Variants in GALNT18 observed in about 807,000 individuals in gnomAD.
GALNT18 encodes polypeptide N-acetylgalactosaminyltransferase 18.
In GALNT18, 44 loss-of-function variants were observed where a neutral mutation model predicts 69.5. The ratio of observed to expected loss-of-function variants is 0.63; its 90% CI spans 0.50 to 0.81. The LOEUF (loss-of-function observed/expected upper bound fraction) is 0.81, where lower values mean the gene tolerates loss of function less well. Ranked by LOEUF, GALNT18 falls within the 40% of genes least tolerant of loss-of-function variation. GALNT18 has a pLI of 0.00. For synonymous variants in GALNT18, 364 were observed against 318.2 expected, an observed-to-expected ratio of 1.14 and a Z score of -1.53; for missense variants, 715 against 810.0, an observed-to-expected ratio of 0.88 and a Z score of 1.42.
At chr11:11,331,747 A>G (rs1162143254) in intron 8 of GALNT18, among the ~76,000 whole-genome samples, 2 of 152,146 alleles carry the variant, frequency 1.3e-5, no homozygotes, top group Non-Finnish European at 2.9e-5. Context: ...CACCTGTGAC[A>G]TGGAGATAAT....
chr11:11,466,356 A>G (rs1856155857), intron 1 of GALNT18, among the ~76,000 whole-genome samples: 1 of 152,282 alleles, frequency 6.6e-6, no homozygotes, highest in Non-Finnish European at 1.5e-5. Context: ...AGGTATCACA[A>G]ATGAAAACAA....
chr11:11,466,009 C>G (rs1198192837), intron 1 of GALNT18, among the ~76,000 whole-genome samples: 1 of 152,208 alleles, frequency 6.6e-6, no homozygotes, highest in East Asian at 1.9e-4. Flanking sequence ...TGCTTCTCAG[C>G]TCTTCTCAAT....
In GALNT18 at chr11:11,469,642, T is replaced by C. The variant is rs1856229499; in HGVS notation, c.236-20706A>G. Among the ~76,000 whole-genome samples the C allele has an allele frequency of 6.6e-6, 1 of 152,346 alleles. No homozygotes were observed. The highest frequency in any genetic ancestry group is 2.4e-5 in the African/African-American group (1 of 41,584). On this transcript the variant is annotated intron_variant, in intron 1 of 10. Transcript: ENST00000227756. This position sits in a 1 kb window ranked among gnomAD's most constrained non-coding sequence, Gnocchi z 4.2. The stretch of plus-strand genomic sequence containing the variant: ...GCTCTCTGAAAGCAAGGATCATCCA[T>C]GCCCTTGTCAGCTGAGGGTCTCAGG...
intron 3 of GALNT18, among the ~76,000 whole-genome samples, chr11:11,391,359 A>T (rs892948005): frequency 1.3e-5 from 2 of 152,250 alleles, no homozygotes; most frequent in African/African-American, 4.8e-5. Context: ...CATTTTATAG[A>T]TGAGAAAACT....
rs144088929 is a variant in GALNT18 at position 11,274,130 on chromosome 11, C to G, written c.1678-2840G>C. 3.0e-3 allele frequency among the ~76,000 whole-genome samples: 452 copies of G among 152,152 alleles called. 14 individuals carry two copies. Among genetic ancestry groups the G allele is most frequent in the Admixed American group, 0.024 (370 of 15,286 alleles). On this transcript the variant is annotated intron_variant, in intron 10 of 10. Transcript: ENST00000227756. ...CAAGGAAAGCTGTGAGAGAGTGTAC[C>G]GGGAGGAACAGTGCACTCCGGCTCA...
In GALNT18 at chr11:11,606,937, C is replaced by T. The variant is rs1178069409; in HGVS notation, c.235+14422G>A. 6.6e-6 allele frequency among the ~76,000 whole-genome samples: 1 copy of T among 152,172 alleles called. No homozygotes were observed. Among genetic ancestry groups the T allele is most frequent in the African/African-American group, 2.4e-5 (1 of 41,448 alleles). On this transcript the variant is annotated intron_variant, in intron 1 of 10. Coordinates refer to ENST00000227756, the MANE Select transcript of GALNT18 (RefSeq NM_198516.3). The surrounding 1 kb of genome is among the most constrained non-coding windows in gnomAD (Gnocchi z 5.4). ...ATGCTGATGTTATTTGCAACTCTAA[C>T]ATGGTCTGATTTTAACTAGAGAGCC...
chr11:11,513,667 G>C (rs922435202), intron 1 of GALNT18, among the ~76,000 whole-genome samples: 1 of 152,244 alleles, frequency 6.6e-6, no homozygotes, highest in African/African-American at 2.4e-5. Flanking sequence ...CAAGACAAAG[G>C]ACAAGAGGAT....
intron 3 of GALNT18, among the ~76,000 whole-genome samples, chr11:11,426,351 G>A (rs1203454822): frequency 1.3e-5 from 2 of 152,194 alleles, no homozygotes; most frequent in Non-Finnish European, 2.9e-5. Flanking sequence ...TGGGGGAGCT[G>A]AGGCGGAGGC....
chr11:11,386,139 G>A (rs192784666), intron 3 of GALNT18, among the ~76,000 whole-genome samples: 2 of 152,298 alleles, frequency 1.3e-5, no homozygotes, highest in East Asian at 3.9e-4. Flanking sequence ...AAGCCACCCA[G>A]ATGGTGGCAC....
intron 5 of GALNT18, among the ~76,000 whole-genome samples, chr11:11,375,605 T>C (rs1186532067): frequency 6.6e-6 from 1 of 152,262 alleles, no homozygotes; most frequent in Non-Finnish European, 1.5e-5. Flanking sequence ...GGGTGGATCC[T>C]GGCTCTACCG....
intron 1 of GALNT18, among the ~76,000 whole-genome samples, chr11:11,549,567 C>T (rs978839431): frequency 3.3e-5 from 5 of 152,246 alleles, no homozygotes; most frequent in Non-Finnish European, 7.3e-5. Flanking sequence ...CCACCTTGGT[C>T]CTTAAGTGCT....
At chr11:11,277,706 G>C (rs1389511070) in intron 10 of GALNT18, among the ~76,000 whole-genome samples, 1 of 152,134 alleles carries the variant, frequency 6.6e-6, no homozygotes, top group Non-Finnish European at 1.5e-5. Context: ...TTGTGTCTTT[G>C]TTCTCATTGG....
chr11:11,333,642 G>A (rs886995463), intron 7 of GALNT18, among the ~76,000 whole-genome samples: 3 of 152,262 alleles, frequency 2.0e-5, no homozygotes, highest in South Asian at 2.1e-4. Flanking sequence ...CTTTAAGCCT[G>A]GGAGTCTTGG....
chr11:11,423,315 G>A (rs1433452941), intron 3 of GALNT18, among the ~76,000 whole-genome samples: 1 of 152,202 alleles, frequency 6.6e-6, no homozygotes, highest in Non-Finnish European at 1.5e-5. Context: ...CATGAACAGA[G>A]TACTTGCATA....
intron 9 of GALNT18, among the ~76,000 whole-genome samples, chr11:11,313,791 GC>G (rs1451099604): frequency 6.6e-6 from 1 of 152,184 alleles, no homozygotes; most frequent in Non-Finnish European, 1.5e-5. Context: ...GAATAGCAGT[GC>G]CTACTTCAAA....
chr11:11,278,391 C>T lies in GALNT18; in HGVS notation c.1678-7101G>A, dbSNP rs374951405. Among the ~76,000 whole-genome samples the T allele has an allele frequency of 3.0e-3, 453 of 151,142 alleles. 4 individuals are homozygous for T. Among genetic ancestry groups the T allele is most frequent in the African/African-American group, 9.8e-3 (403 of 41,130 alleles). On this transcript the variant is annotated intron_variant, in intron 10 of 10. Transcript: ENST00000227756. Reference sequence around the variant, plus strand: ...GGGTGGGGGGCTGGGGGAGGGATAGCGTTAGGAGAAATACCTAATGTAGAT... The same window carrying T: ...GGGTGGGGGGCTGGGGGAGGGATAGTGTTAGGAGAAATACCTAATGTAGAT...
Position 11,338,554 on chromosome 11 carries a change from T to G in GALNT18, c.1278+2265A>C, listed in dbSNP as rs1467753559. ...TCTGGAAGATGGTGGCACCATGAAC[T>G]GAGACAGGATGAGAACAGGAGCAGA... is the stretch of plus-strand genomic sequence containing the variant. On this transcript the variant is annotated intron_variant, in intron 7 of 10. Coordinates refer to ENST00000227756, the MANE Select transcript of GALNT18 (RefSeq NM_198516.3). This position sits in a 1 kb window ranked among gnomAD's most constrained non-coding sequence, Gnocchi z 5.3. Among the ~76,000 whole-genome samples, 1 of 152,098 alleles carries G rather than the reference T, an allele frequency of 6.6e-6. No homozygotes were observed. The highest frequency in any genetic ancestry group is 1.5e-5 in the Non-Finnish European group (1 of 68,028).
chr11:11,462,277 T>A (rs1856060277), intron 1 of GALNT18, among the ~76,000 whole-genome samples: 1 of 133,416 alleles, frequency 7.5e-6, no homozygotes, highest in African/African-American at 2.7e-5. Context: ...GTCTTTTCTT[T>A]TTTTTTTTTT....
At chr11:11,394,636 C>T (rs1469127707) in intron 3 of GALNT18, among the ~76,000 whole-genome samples, 3 of 152,334 alleles carry the variant, frequency 2.0e-5, no homozygotes, top group Admixed American at 6.5e-5. Context: ...CCAAATAACA[C>T]AAGTCATGGG....
Sources: gnomAD v4.1 joint callset for allele counts (sites outside exome capture counted in the v4.1 genomes callset) on GRCh38, gnomAD v4.1.1 for gene constraint, Gnocchi (gnomAD v3.1) non-coding constraint, MANE v1.5 for transcripts, NCBI Gene and HGNC (gene_info 2026-07-23, HGNC 2026-07-21) for gene names.